Variants in VANGL1 observed in about 807,000 individuals in gnomAD.
VANGL1 encodes vang-like protein 1.
VANGL1 carries 18 observed loss-of-function variants against 48.4 expected under a neutral mutation model. The observed-to-expected ratio is 0.37, with a 90% CI of 0.26 to 0.55. VANGL1 has a LOEUF of 0.55. Ranked by LOEUF, VANGL1 falls within the 20% of genes least tolerant of loss-of-function variation. The pLI is 0.81. For missense variants in VANGL1, 667 were observed against 675.8 expected (o/e 0.99, Z 0.14); for synonymous variants, 257 against 261.8 (o/e 0.98, Z 0.18).
At chr1:115,662,616 T>C (rs554723168) in intron 3 of VANGL1, among the ~76,000 whole-genome samples, 19 of 152,344 alleles carry the variant, frequency 1.2e-4, no homozygotes, top group Non-Finnish European at 4.4e-5. Flanking sequence ...TGGTTGTTTC[T>C]ATGCCCTTGA....
intron 7 of VANGL1, among the ~76,000 whole-genome samples, chr1:115,686,045 C>T (rs1203180093): frequency 2.6e-5 from 4 of 152,086 alleles, no homozygotes; most frequent in Admixed American, 1.3e-4. Context: ...AAATGTTACA[C>T]GTGTACCACA....
At chr1:115,685,640 C>T in intron 7 of VANGL1, 113 bp downstream of exon 7, 1 of 1,073,782 alleles carries the variant, frequency 9.3e-7, no homozygotes. Flanking sequence ...ATCTCTAAAA[C>T]TCAAGTAATA....
At chr1:115,663,129 T>C (rs529472038) in intron 3 of VANGL1, among the ~76,000 whole-genome samples, 1 of 152,184 alleles carries the variant, frequency 6.6e-6, no homozygotes, top group East Asian at 1.9e-4. Flanking sequence ...CAGGTAAGCT[T>C]GGGTTTGTGT....
Position 115,687,044 on chromosome 1 carries a change from A to G in VANGL1, c.1314+1517A>G, listed in dbSNP as rs150656756. 7.2e-4 allele frequency among the ~76,000 whole-genome samples: 100 copies of G among 138,746 alleles called. 16 individuals are homozygous for G. Among genetic ancestry groups the G allele is most frequent in the African/African-American group, 2.7e-3 (99 of 36,946 alleles). 91.0% of individuals were successfully genotyped at this position (138,746 alleles called of 152,430 possible). A position where few individuals can be genotyped will look rare whatever the true frequency, so the allele number is the denominator to read the frequency against. ...GACTTCTGTTTATATGTTGCACTAT[A>G]TGTGTATCCTGCTGGTTACATTGTC... On this transcript the variant is annotated intron_variant, in intron 7 of 7. Transcript: ENST00000355485.
chr1:115,685,870 A>G (rs537118934), intron 7 of VANGL1, among the ~76,000 whole-genome samples: 1 of 152,218 alleles, frequency 6.6e-6, no homozygotes, highest in South Asian at 2.1e-4. Context: ...AACTAGATGC[A>G]TAACCTTGGG....
rs886045146 is a variant in VANGL1 at position 115,696,792 on chromosome 1, A to G, written c.*5413A>G. The G allele has an allele frequency of 1.3e-5, 2 of 152,150 alleles. No individual in the cohort carries two copies. Among genetic ancestry groups the G allele is most frequent in the African/African-American group, 2.4e-5 (1 of 41,440 alleles). 9.4% of individuals were successfully genotyped at this position (152,150 alleles called of 1,614,324 possible). ...GCAGCACTGTGAAAAGTTTCTTTCA[A>G]TATGGCACCAAGACTCTACCATTTA... On this transcript the variant is annotated 3_prime_UTR_variant, in exon 8 of 8. Coordinates refer to ENST00000355485, the MANE Select transcript of VANGL1 (RefSeq NM_138959.3).
intron 4 of VANGL1, among the ~76,000 whole-genome samples, chr1:115,681,200 AAGGTGTTCTTCAAAGTGGC>A (rs756580777): frequency 1.3e-5 from 2 of 152,192 alleles, no homozygotes; most frequent in Non-Finnish European, 2.9e-5. Context: ...GTATCATTGC[AAGGTGTTCTTCAAAGTGGC>A]AAGTGTTCTG....
chr1:115,657,771 C>T (rs1048268588), intron 2 of VANGL1, among the ~76,000 whole-genome samples: 2 of 152,310 alleles, frequency 1.3e-5, no homozygotes, highest in South Asian at 2.1e-4. Flanking sequence ...AACTGGCTCA[C>T]GGTCCTGCAG....
intron 2 of VANGL1, among the ~76,000 whole-genome samples, chr1:115,653,150 G>A (rs1033674404): frequency 6.6e-6 from 1 of 152,052 alleles, no homozygotes; most frequent in African/African-American, 2.4e-5. Flanking sequence ...AACTTTAATT[G>A]TTTTCTAAAT....
intron 4 of VANGL1, among the ~76,000 whole-genome samples, chr1:115,676,768 A>G (rs764380681): frequency 1.3e-5 from 2 of 152,364 alleles, no homozygotes; most frequent in Admixed American, 6.5e-5. Context: ...AGCACCTGGT[A>G]TACTTGGATC....
Position 115,686,859 on chromosome 1 carries a change from A to G in VANGL1, c.1314+1332A>G, listed in dbSNP as rs574006895. On this transcript the variant is annotated intron_variant, in intron 7 of 7. Coordinates refer to ENST00000355485, the MANE Select transcript of VANGL1 (RefSeq NM_138959.3). ...TCTTTCAGTTCCTCTACACTTGTTT[A>G]CTGTTGTATCAATGAGGATAATAAT... is the stretch of plus-strand genomic sequence containing the variant. Among the ~76,000 whole-genome samples the G allele has an allele frequency of 1.5e-4, 21 of 140,924 alleles. 3 individuals carry two copies. The highest frequency in any genetic ancestry group is 2.5e-4 in the Non-Finnish European group (16 of 63,856). The allele number at this position is 140,924 out of a possible 152,430, so 92.5% of individuals were successfully genotyped here. A position where few individuals can be genotyped will look rare whatever the true frequency, so the allele number is the denominator to read the frequency against.
At chr1:115,667,749 G>A (rs1268836635) in intron 4 of VANGL1, among the ~76,000 whole-genome samples, 1 of 152,204 alleles carries the variant, frequency 6.6e-6, no homozygotes, top group Admixed American at 6.5e-5. Context: ...TTTCCAGGAT[G>A]TTACCAGAGA....
intron 4 of VANGL1, among the ~76,000 whole-genome samples, chr1:115,679,474 G>A (rs988111621): frequency 6.6e-6 from 1 of 152,234 alleles, no homozygotes; most frequent in African/African-American, 2.4e-5. Flanking sequence ...TGGAGAGCTG[G>A]CCCATTTGGA....
chr1:115,675,943 T>C (rs1421831486), intron 4 of VANGL1, among the ~76,000 whole-genome samples: 4 of 152,156 alleles, frequency 2.6e-5, no homozygotes, highest in Non-Finnish European at 5.9e-5. Context: ...TAAATAGAAA[T>C]GGGGTCATGC....
At chr1:115,686,390 A>AAAT (rs1553190015) in intron 7 of VANGL1, among the ~76,000 whole-genome samples, 1 of 150,058 alleles carries the variant, frequency 6.7e-6, no homozygotes, top group Non-Finnish European at 1.5e-5. Flanking sequence ...AAAAAAAAAA[A>AAAT]TGCCATCAGG....
intron 2 of VANGL1, among the ~76,000 whole-genome samples, chr1:115,659,121 A>G (rs1415220820): frequency 6.6e-6 from 1 of 152,158 alleles, no homozygotes; most frequent in Non-Finnish European, 1.5e-5. Flanking sequence ...AATTCTTTGT[A>G]CTGACTTTGA....
At chr1:115,676,789 C>T (rs1433515826) in intron 4 of VANGL1, among the ~76,000 whole-genome samples, 4 of 152,364 alleles carry the variant, frequency 2.6e-5, no homozygotes, top group Admixed American at 6.5e-5. Flanking sequence ...TCGCAGGCTG[C>T]TGCTGGAGGT....
Position 115,673,161 on chromosome 1 carries a change from T to C in VANGL1, c.812+8893T>C, listed in dbSNP as rs1307183093. Among the ~76,000 whole-genome samples the C allele has an allele frequency of 5.3e-5, 8 of 152,204 alleles. 1 individual carries two copies. The highest frequency in any genetic ancestry group is 5.2e-4 in the Admixed American group (8 of 15,276). On this transcript the variant is annotated intron_variant, in intron 4 of 7. Transcript: ENST00000355485. ...AAAAGTAGGTAATGAGTGGCCTTAG[T>C]GCCTGGGCAGCCGTCAGTACTGGCC...
At position 115,691,502 on chromosome 1, in the gene VANGL1, T is replaced by C. The variant is rs910551058; in HGVS notation, c.*123T>C. Reference sequence around the variant, plus strand: ...ATTGCTGACTGAAACTGGCAGATGATTGACCAGTATCCTTTGACCATCTGC... The same window carrying C: ...ATTGCTGACTGAAACTGGCAGATGACTGACCAGTATCCTTTGACCATCTGC... On this transcript the variant is annotated 3_prime_UTR_variant, in exon 8 of 8. Transcript: ENST00000355485. 8.9e-7 allele frequency: 1 copy of C among 1,119,558 alleles called. No individual in the cohort carries two copies. Among genetic ancestry groups the C allele is most frequent in the Non-Finnish European group, 1.2e-6 (1 of 807,060 alleles). 69.4% of individuals were successfully genotyped at this position (1,119,558 alleles called of 1,614,324 possible). A position where few individuals can be genotyped will look rare whatever the true frequency, so the allele number is the denominator to read the frequency against.
Sources: gnomAD v4.1 joint callset for allele counts (sites outside exome capture counted in the v4.1 genomes callset) on GRCh38, gnomAD v4.1.1 for gene constraint, MANE v1.5 for transcripts, NCBI Gene and HGNC (gene_info 2026-07-23, HGNC 2026-07-21) for gene names.